ADGRB3: variants seen among roughly 807,000 people sequenced by gnomAD.
ADGRB3 encodes brain-specific angiogenesis inhibitor 3.
ADGRB3 carries 37 observed loss-of-function variants against 193.4 expected under a neutral mutation model. The observed-to-expected ratio is 0.19, with a 90% CI of 0.15 to 0.25. The LOEUF (loss-of-function observed/expected upper bound fraction) is 0.25. ADGRB3 is among the 10% of genes least tolerant of loss of function. The pLI is 1.00. For missense variants in ADGRB3, 1,637 were observed against 1,852.9 expected, an observed-to-expected ratio of 0.88 and a Z score of 2.14; for synonymous variants, 690 against 644.2, an observed-to-expected ratio of 1.07 and a Z score of -1.08.
chr6:68,853,014 G>T (rs1768437179), intron 3 of ADGRB3, among the ~76,000 whole-genome samples: 1 of 151,980 alleles, frequency 6.6e-6, no homozygotes, highest in Non-Finnish European at 1.5e-5. Context: ...TGTCCTCAGT[G>T]CAGACTTGAT....
intron 17 of ADGRB3, among the ~76,000 whole-genome samples, chr6:69,187,023 A>G (rs1343025066): frequency 6.6e-6 from 1 of 151,700 alleles, no homozygotes; most frequent in Non-Finnish European, 1.5e-5. Context: ...AATAATTGGA[A>G]TGGTAAACAT....
chr6:68,636,257 T>C (rs1316399135), intron 1 of ADGRB3, among the ~76,000 whole-genome samples: 1 of 151,884 alleles, frequency 6.6e-6, no homozygotes, highest in African/African-American at 2.4e-5. Context: ...TTTTGTGTGA[T>C]TGGGGTAATT....
intron 3 of ADGRB3, among the ~76,000 whole-genome samples, chr6:68,858,647 C>A (rs1436332128): frequency 2.0e-5 from 3 of 147,140 alleles, no homozygotes; most frequent in Non-Finnish European, 1.5e-5. Flanking sequence ...ATTCACCCAA[C>A]TAAAAAGTAC....
intron 3 of ADGRB3, among the ~76,000 whole-genome samples, chr6:68,771,564 C>G (rs1177295744): frequency 6.6e-6 from 1 of 152,044 alleles, no homozygotes; most frequent in Non-Finnish European, 1.5e-5. Flanking sequence ...GTGAGTCATA[C>G]ACACATTGTT....
At chr6:68,766,995 C>A (rs1766522218) in intron 3 of ADGRB3, among the ~76,000 whole-genome samples, 1 of 151,974 alleles carries the variant, frequency 6.6e-6, no homozygotes, top group Admixed American at 6.6e-5. Context: ...TTTGACTAGT[C>A]ATGGTCGTAT....
chr6:69,102,880 C>T (rs1773104113), intron 17 of ADGRB3, among the ~76,000 whole-genome samples: 1 of 152,132 alleles, frequency 6.6e-6, no homozygotes, highest in African/African-American at 2.4e-5. Context: ...TATTCTGCAA[C>T]TCATTTTTAT....
intron 13 of ADGRB3, among the ~76,000 whole-genome samples, chr6:69,040,341 C>CTTTCTTTCTTTCTTTCTTTCTTTCTTTCT (rs1562133091): frequency 1.6e-4 from 8 of 50,802 alleles, no homozygotes; most frequent in Non-Finnish European, 3.3e-4. Context: ...TTCTTTCTTT[C>CTTTCTTTCTTTCTTTCTTTCTTTCTTTCT]TTTCTTTCTT....
At chr6:69,270,062 G>A (rs181538024) in intron 20 of ADGRB3, among the ~76,000 whole-genome samples, 70 of 152,268 alleles carry the variant, frequency 4.6e-4, no homozygotes, top group African/African-American at 1.6e-3. Context: ...CATGGCTGTG[G>A]CACTTTTTGG....
chr6:68,944,059 CAAG>C, intron 6 of ADGRB3, 65 bp downstream of exon 6: 1 of 1,478,132 alleles, frequency 6.8e-7, no homozygotes, highest in Non-Finnish European at 9.2e-7. Flanking sequence ...CTAGTGTACA[CAAG>C]AAATATTAAG....
intron 3 of ADGRB3, among the ~76,000 whole-genome samples, chr6:68,800,163 A>C (rs1384375020): frequency 6.6e-6 from 1 of 152,148 alleles, no homozygotes; most frequent in East Asian, 1.9e-4. Context: ...GAGTGGTTAA[A>C]TTCAGTATAT....
rs147089083 is a variant in ADGRB3, at chr6:69,373,293, G to A, written c.4275+852G>A. On this transcript the variant is annotated intron_variant, in intron 30 of 31. Coordinates refer to ENST00000370598, the MANE Select transcript of ADGRB3 (RefSeq NM_001704.3). Reference sequence around the variant, plus strand: ...TAAAATTACAGAAGCCTCCCAGAACGTGCTAACTACTCCTAATTCAGTCGT... The same window carrying A: ...TAAAATTACAGAAGCCTCCCAGAACATGCTAACTACTCCTAATTCAGTCGT... Among the ~76,000 whole-genome samples the A allele has an allele frequency of 2.8e-3, 429 of 152,018 alleles. 3 individuals are homozygous for A. Among genetic ancestry groups the A allele is most frequent in the South Asian group, 0.021 (99 of 4,810 alleles).
intron 20 of ADGRB3, among the ~76,000 whole-genome samples, chr6:69,243,002 T>C (rs572011049): frequency 1.5e-3 from 229 of 152,092 alleles, no homozygotes; most frequent in African/African-American, 5.1e-3. Context: ...GAATAGTTTT[T>C]CTTAATGACA....
At chr6:69,247,675 C>A (rs184775295) in intron 20 of ADGRB3, among the ~76,000 whole-genome samples, 124 of 152,300 alleles carry the variant, frequency 8.1e-4, no homozygotes, top group South Asian at 1.9e-3. Context: ...CAACCCTGCT[C>A]ACTGTATTGT....
At position 69,104,576 on chromosome 6, in the gene ADGRB3, A is replaced by G. The variant is rs139984062; in HGVS notation, c.2480+28538A>G. Among the ~76,000 whole-genome samples the G allele has an allele frequency of 2.0e-5, 3 of 152,200 alleles. No individual in the cohort carries two copies. The South Asian group carries it at 6.2e-4, about 32-fold the overall frequency. On this transcript the variant is annotated intron_variant, in intron 17 of 31. Coordinates refer to ENST00000370598, the MANE Select transcript of ADGRB3 (RefSeq NM_001704.3). ...AGATTTTTTCAACATTTTAATAAAA[A>G]TGTATAGGCAAATGAAATCATGTAA...
intron 17 of ADGRB3, among the ~76,000 whole-genome samples, chr6:69,224,041 A>C (rs987613684): frequency 6.6e-6 from 1 of 152,124 alleles, no homozygotes; most frequent in East Asian, 1.9e-4. Flanking sequence ...AAGTATAAAA[A>C]TATAACAGAG....
intron 3 of ADGRB3, among the ~76,000 whole-genome samples, chr6:68,849,608 T>C (rs1768355854): frequency 6.6e-6 from 1 of 151,906 alleles, no homozygotes; most frequent in South Asian, 2.1e-4. Context: ...TACTGAAAAT[T>C]AAAGATGAAA....
intron 3 of ADGRB3, among the ~76,000 whole-genome samples, chr6:68,733,986 C>T (rs912828603): frequency 1.8e-4 from 27 of 151,666 alleles, no homozygotes; most frequent in African/African-American, 6.3e-4. Context: ...AATGTATATA[C>T]CTGCTACGTA....
chr6:68,883,797 C>T (rs139665018), intron 3 of ADGRB3, among the ~76,000 whole-genome samples: 46 of 152,140 alleles, frequency 3.0e-4, no homozygotes, highest in African/African-American at 1.0e-3. Context: ...CCAGGGTCTG[C>T]GGCTTCATTC....
chr6:69,345,278 T>C (rs1030215354), intron 26 of ADGRB3, among the ~76,000 whole-genome samples: 1 of 152,090 alleles, frequency 6.6e-6, no homozygotes, highest in African/African-American at 2.4e-5. Context: ...TTGTACTGAT[T>C]CTAGCATTTT....
Sources: gnomAD v4.1 joint callset for allele counts (sites outside exome capture counted in the v4.1 genomes callset) on GRCh38, gnomAD v4.1.1 for gene constraint, MANE v1.5 for transcripts, NCBI Gene and HGNC (gene_info 2026-07-23, HGNC 2026-07-21) for gene names.